The following MFHAS1 variants were observed in gnomAD, a reference collection of about 807,000 sequenced individuals.
MFHAS1 encodes malignant fibrous histiocytoma-amplified sequence 1.
MFHAS1 carries 50 observed loss-of-function variants against 70.4 expected under a neutral mutation model. The observed-to-expected ratio is 0.71, with a 90% CI of 0.57 to 0.90. The LOEUF (loss-of-function observed/expected upper bound fraction) is 0.90, where lower values mean the gene tolerates loss of function less well. MFHAS1 is among the 40% of genes least tolerant of loss of function. The pLI, the probability that MFHAS1 is intolerant of heterozygous loss-of-function variation, is 0.00. For synonymous variants in MFHAS1, 952 were observed against 620.0 expected, an observed-to-expected ratio of 1.54 and a Z score of -7.96; for missense variants, 1,795 against 1,347.6, an observed-to-expected ratio of 1.33 and a Z score of -5.20.
intron 2 of MFHAS1, 27 bp downstream of exon 2, chr8:8,797,338 G>T (rs199947983): frequency 1.8e-5 from 29 of 1,610,236 alleles, no homozygotes; most frequent in Non-Finnish European, 5.9e-6. Flanking sequence ...GCCAGGTCCC[G>T]GGGCCAGAGG....
In MFHAS1 at chr8:8,855,057, G is replaced by A. The variant is rs74364124; in HGVS notation, c.2998+35004C>T. ...GTCAAGAAGCTGGGACCACAGTCGT[G>A]GTCCTCCCTCAGTATATATGGGGGG... On this transcript the variant is annotated intron_variant, in intron 1 of 2. Transcript: ENST00000276282. Among the ~76,000 whole-genome samples, 5 of 152,116 alleles carry A rather than the reference G, an allele frequency of 3.3e-5. No individual in the cohort carries two copies. The East Asian group carries it at 7.7e-4, about 24-fold the overall frequency.
intron 1 of MFHAS1, among the ~76,000 whole-genome samples, chr8:8,833,794 A>G (rs368233771): frequency 3.2e-4 from 48 of 152,306 alleles, no homozygotes; most frequent in Middle Eastern, 3.4e-3. Context: ...AATGAGAAGA[A>G]CCCAAATGTC....
At chr8:8,875,797 C>G (rs996058395) in intron 1 of MFHAS1, among the ~76,000 whole-genome samples, 4 of 152,156 alleles carry the variant, frequency 2.6e-5, no homozygotes, top group Non-Finnish European at 5.9e-5. Context: ...TTCACCATGT[C>G]AGACTGCTCT....
chr8:8,884,017 A>G (rs4841064), intron 1 of MFHAS1, among the ~76,000 whole-genome samples: 29,770 of 149,882 alleles, frequency 0.2, 3,403 homozygotes, highest in African/African-American at 0.31. Flanking sequence ...GGGCAACATA[A>G]AAAGGCCCTA....
At chr8:8,859,406 C>A (rs1310060668) in intron 1 of MFHAS1, among the ~76,000 whole-genome samples, 1 of 152,206 alleles carries the variant, frequency 6.6e-6, no homozygotes, top group East Asian at 1.9e-4. Flanking sequence ...GAGGCCTTCT[C>A]ATACACTAAG....
intron 1 of MFHAS1, among the ~76,000 whole-genome samples, chr8:8,886,391 C>A (rs1809754122): frequency 6.6e-6 from 1 of 152,080 alleles, no homozygotes; most frequent in South Asian, 2.1e-4. Context: ...TGGTCTCGAA[C>A]TCCTTGACCC....
intron 1 of MFHAS1, among the ~76,000 whole-genome samples, chr8:8,841,383 G>A (rs1430842162): frequency 1.3e-5 from 2 of 151,882 alleles, no homozygotes; most frequent in East Asian, 1.9e-4. Flanking sequence ...GCTGAGGCAG[G>A]AGAATCGCTT....
intron 1 of MFHAS1, among the ~76,000 whole-genome samples, chr8:8,837,388 C>T (rs1012937868): frequency 6.6e-6 from 1 of 152,208 alleles, no homozygotes; most frequent in African/African-American, 2.4e-5. Flanking sequence ...CACGCCTAAT[C>T]TCAACACTTT....
intron 1 of MFHAS1, among the ~76,000 whole-genome samples, chr8:8,841,261 G>A (rs778433051): frequency 1.2e-4 from 18 of 151,958 alleles, no homozygotes; most frequent in Admixed American, 5.9e-4. Flanking sequence ...GATCACCTGC[G>A]GTCATGAGTT....
intron 1 of MFHAS1, among the ~76,000 whole-genome samples, chr8:8,855,211 C>G (rs1356851567): frequency 6.6e-6 from 1 of 152,240 alleles, no homozygotes; most frequent in African/African-American, 2.4e-5. Flanking sequence ...CCTCGGCCTC[C>G]CAAAGTGCTG....
intron 1 of MFHAS1, among the ~76,000 whole-genome samples, chr8:8,872,248 G>A (rs1376622001): frequency 1.3e-5 from 2 of 152,158 alleles, no homozygotes; most frequent in African/African-American, 2.4e-5. Context: ...TTCTAACAAA[G>A]AGGAATGTAC....
intron 1 of MFHAS1, among the ~76,000 whole-genome samples, chr8:8,798,964 C>T (rs1250598104): frequency 3.9e-5 from 6 of 151,980 alleles, no homozygotes; most frequent in Non-Finnish European, 8.8e-5. Flanking sequence ...AGGTGAATCG[C>T]TTGAACCCGG....
At chr8:8,869,307 C>G (rs536863777) in intron 1 of MFHAS1, among the ~76,000 whole-genome samples, 1 of 152,336 alleles carries the variant, frequency 6.6e-6, no homozygotes, top group Admixed American at 6.5e-5. Flanking sequence ...TTTACAAGCA[C>G]TACCACTGAA....
chr8:8,885,050 GTC>G (rs1809698872), intron 1 of MFHAS1, among the ~76,000 whole-genome samples: 2 of 152,038 alleles, frequency 1.3e-5, no homozygotes, highest in Admixed American at 6.6e-5. Context: ...TCTCGGGTGT[GTC>G]TCTGGCTCAG....
At chr8:8,849,010 G>C (rs1018646162) in intron 1 of MFHAS1, among the ~76,000 whole-genome samples, 2 of 150,924 alleles carry the variant, frequency 1.3e-5, no homozygotes, top group African/African-American at 2.4e-5. Context: ...CCCACTAGCA[G>C]GGTAAAGGTA....
Position 8,891,380 on chromosome 8 carries a change from AGG to A in MFHAS1, c.1677_1678del (p.Leu560AlafsTer68). The stretch of plus-strand genomic sequence containing the variant: ...TCCCTCCGCGTCGTGCTTCTCCTGC[AGG>A]GCGATCTGGCGGTGAATGTCCAGAC... On this transcript the variant is annotated frameshift_variant, in exon 1 of 3. Transcript: ENST00000276282. LOFTEE classifies it high-confidence loss of function. The surrounding 1 kb of genome is among the most constrained non-coding windows in gnomAD (Gnocchi z 5.4). 1 of 1,611,874 alleles carries A rather than the reference AGG, an allele frequency of 6.2e-7. No homozygotes were observed. Among genetic ancestry groups the A allele is most frequent in the Non-Finnish European group, 8.5e-7 (1 of 1,180,014 alleles).
Position 8,799,121 on chromosome 8 carries a change from G to A in MFHAS1, c.2999-1630C>T, listed in dbSNP as rs550074439. Among the ~76,000 whole-genome samples the A allele has an allele frequency of 2.4e-4, 37 of 151,790 alleles. 1 individual carries two copies. The South Asian group carries it at 7.3e-3, about 30-fold the overall frequency. Reference sequence around the variant, plus strand: ...AAGAGCAGTCCCCCCTTATCCCTCAGACATGCGTTCCAAGACCCCAGCGGA... The same window carrying A: ...AAGAGCAGTCCCCCCTTATCCCTCAAACATGCGTTCCAAGACCCCAGCGGA... On this transcript the variant is annotated intron_variant, in intron 1 of 2. Coordinates refer to ENST00000276282, the MANE Select transcript of MFHAS1 (RefSeq NM_004225.3).
intron 1 of MFHAS1, among the ~76,000 whole-genome samples, chr8:8,850,575 C>G (rs371173): frequency 6.6e-6 from 1 of 152,248 alleles, no homozygotes; most frequent in South Asian, 2.1e-4. Flanking sequence ...GGTGCGGTAG[C>G]TCACGCCTGT....
intron 1 of MFHAS1, among the ~76,000 whole-genome samples, chr8:8,845,931 A>G (rs1486201107): frequency 2.0e-5 from 3 of 151,952 alleles, no homozygotes; most frequent in African/African-American, 7.3e-5. Flanking sequence ...ATCCATCAAC[A>G]ACCCCTTCAA....
Sources: gnomAD v4.1 joint callset for allele counts (sites outside exome capture counted in the v4.1 genomes callset) on GRCh38, gnomAD v4.1.1 for gene constraint, Gnocchi (gnomAD v3.1) non-coding constraint, MANE v1.5 for transcripts, NCBI Gene and HGNC (gene_info 2026-07-23, HGNC 2026-07-21) for gene names.